The following PRMT7 variants were observed in gnomAD, a reference collection of about 807,000 sequenced individuals.
PRMT7 encodes the protein protein arginine methyltransferase 7.
A neutral mutation model predicts 85.4 loss-of-function variants in PRMT7; 75 were observed. The observed-to-expected ratio is 0.88, with a 90% CI of 0.73 to 1.06. The LOEUF (loss-of-function observed/expected upper bound fraction) is 1.06. PRMT7 is among the 50% of genes least tolerant of loss of function. The probability of loss-of-function intolerance (pLI) is 0.00; values close to 1 mark genes in which losing one functional copy is unlikely to be tolerated. For missense variants in PRMT7, 868 were observed against 915.2 expected (o/e 0.95, Z 0.67); for synonymous variants, 397 against 359.5 (o/e 1.10, Z -1.18).
In PRMT7 at chr16:68,315,940, G is replaced by A; in HGVS notation, c.-40G>A. 1 of 1,564,454 alleles carries A rather than the reference G, an allele frequency of 6.4e-7. No individual in the cohort carries two copies. The highest frequency in any genetic ancestry group is 2.2e-5 in the East Asian group (1 of 44,630). Reference sequence around the variant, plus strand: ...TGTCCACAAGAACTCAACTGGCAAGGCTGCTTTTCTGTGCTAAAACTGGGG... The same window carrying A: ...TGTCCACAAGAACTCAACTGGCAAGACTGCTTTTCTGTGCTAAAACTGGGG... On this transcript the variant is annotated 5_prime_UTR_variant, in exon 3 of 19. Coordinates refer to ENST00000441236, the MANE Select transcript of PRMT7 (RefSeq NM_019023.5).
intron 16 of PRMT7, 23 bp from the exon 17 acceptor site, chr16:68,355,700 C>T (rs372618193): frequency 7.8e-6 from 12 of 1,535,048 alleles, no homozygotes; most frequent in African/African-American, 6.9e-5. Flanking sequence ...CTCTGCAGCC[C>T]CCAGGCCCCC....
At position 68,357,518 on chromosome 16, in the gene PRMT7, C is replaced by T; in HGVS notation, c.*294C>T. The T allele has an allele frequency of 3.1e-6, 1 of 324,092 alleles. No individual in the cohort carries two copies. Among genetic ancestry groups the T allele is most frequent in the East Asian group, 5.9e-5 (1 of 17,006 alleles). The allele number at this position is 324,092 out of a possible 1,614,324, so 20.1% of individuals were successfully genotyped here. A position where few individuals can be genotyped will look rare whatever the true frequency, so the allele number is the denominator to read the frequency against. ...GCTCCAACACAGAGACATCTCTCCC[C>T]AGCTGGGAAGGGAGTGGAAGCACAG... On this transcript the variant is annotated 3_prime_UTR_variant, in exon 19 of 19. Coordinates refer to ENST00000441236, the MANE Select transcript of PRMT7 (RefSeq NM_019023.5).
chr16:68,349,118 C>G (rs746338910), intron 14 of PRMT7, among the ~76,000 whole-genome samples: 2 of 152,168 alleles, frequency 1.3e-5, no homozygotes, highest in Non-Finnish European at 2.9e-5. Context: ...TGCCAGCAAC[C>G]TCGTCGTTAC....
Position 68,357,520 on chromosome 16 carries a change from G to T in PRMT7, c.*296G>T, listed in dbSNP as rs895054646. 3.2e-6 allele frequency: 1 copy of T among 316,952 alleles called. No homozygotes were observed. The highest frequency in any genetic ancestry group is 6.1e-5 in the East Asian group (1 of 16,418). 19.6% of individuals were successfully genotyped at this position (316,952 alleles called of 1,614,324 possible). On this transcript the variant is annotated 3_prime_UTR_variant, in exon 19 of 19. Transcript: ENST00000441236. ...TCCAACACAGAGACATCTCTCCCCA[G>T]CTGGGAAGGGAGTGGAAGCACAGGG...
At chr16:68,346,312 GA>G (rs1567718625) in intron 11 of PRMT7, 32 bp downstream of exon 11, 1 of 1,610,070 alleles carries the variant, frequency 6.2e-7, no homozygotes, top group Non-Finnish European at 8.5e-7. Flanking sequence ...TTGTTGTGGG[GA>G]AAAGGGAGAA....
At chr16:68,321,491 A>ATG (rs1567644103) in intron 4 of PRMT7, 29 bp downstream of exon 4, 1 of 1,582,514 alleles carries the variant, frequency 6.3e-7, no homozygotes, top group Non-Finnish European at 8.7e-7. Context: ...TATTATCTTG[A>ATG]TGTGGGGTGT....
At chr16:68,342,185 G>C (rs2151770571) in intron 9 of PRMT7, among the ~76,000 whole-genome samples, 1 of 152,270 alleles carries the variant, frequency 6.6e-6, no homozygotes, top group Admixed American at 6.5e-5. Context: ...GGCTGAGGCA[G>C]GAGAATTGCT....
At position 68,339,895 on chromosome 16, in the gene PRMT7, A is replaced by C. The variant is rs1269542602; in HGVS notation, c.854A>C (p.Glu285Ala). ...GTGGTTCTCTCGTGGTGGGACATTG[A>C]AATGGACCCTGAGGGGAAGATCAAG... Reference protein sequence around the residue: ...AQVVLSWWDIEMDPEGKIKCT... With the variant: ...AQVVLSWWDIAMDPEGKIKCT... Residue 285 changes from glutamate (E) to alanine (A), a missense_variant, in exon 9 of 19, where the codon GAA (glutamate) becomes GCA (alanine). Glu to Ala is a moderately radical substitution (Grantham distance 107). Transcript: ENST00000441236. 1.2e-6 allele frequency: 2 copies of C among 1,614,188 alleles called. No homozygotes were observed. The highest frequency in any genetic ancestry group is 8.5e-7 in the Non-Finnish European group (1 of 1,180,038).
chr16:68,337,597 C>G, intron 7 of PRMT7, 26 bp downstream of exon 7: 1 of 1,524,682 alleles, frequency 6.6e-7, no homozygotes, highest in South Asian at 1.2e-5. Flanking sequence ...CTCCCTCAGA[C>G]GTGTCTGTGG....
At chr16:68,324,077 A>G (rs2082814519) in intron 4 of PRMT7, 1 of 152,428 alleles carries the variant, frequency 6.6e-6, no homozygotes, top group Admixed American at 6.5e-5. Context: ...TGGGAGGGCT[A>G]GAAAGCAAAT....
chr16:68,322,611 T>C (rs2082629324), intron 4 of PRMT7, among the ~76,000 whole-genome samples: 1 of 152,180 alleles, frequency 6.6e-6, no homozygotes, highest in Non-Finnish European at 1.5e-5. Flanking sequence ...CCAGATTCAC[T>C]GTAATATCTT....
Position 68,353,473 on chromosome 16 carries a change from G to C in PRMT7, c.1576-19G>C. ...TGTCCTGGCGGGCGGGTGTGGACGGGGCTGCTCCTTCCTCACAGGACCTGT... is the reference window on the plus strand; with the variant it reads ...TGTCCTGGCGGGCGGGTGTGGACGGCGCTGCTCCTTCCTCACAGGACCTGT... On this transcript the variant is annotated intron_variant, in intron 15 of 18. Coordinates refer to ENST00000441236, the MANE Select transcript of PRMT7 (RefSeq NM_019023.5). The C allele has an allele frequency of 1.2e-6, 2 of 1,610,132 alleles. No homozygotes were observed. The highest frequency in any genetic ancestry group is 1.7e-6 in the Non-Finnish European group (2 of 1,178,632).
In PRMT7 at chr16:68,358,074, C is replaced by G. The variant is rs1265130279; in HGVS notation, c.*850C>G. The G allele has an allele frequency of 6.6e-6, 1 of 152,316 alleles. No individual in the cohort carries two copies. Among genetic ancestry groups the G allele is most frequent in the Non-Finnish European group, 1.5e-5 (1 of 68,092 alleles). The allele number at this position is 152,316 out of a possible 1,614,324, so 9.4% of individuals were successfully genotyped here. A position where few individuals can be genotyped will look rare whatever the true frequency, so the allele number is the denominator to read the frequency against. On this transcript the variant is annotated 3_prime_UTR_variant, in exon 19 of 19. Transcript: ENST00000441236. The stretch of plus-strand genomic sequence containing the variant: ...CACACTAACCCCCCTTTGGTTATGT[C>G]CCAGCTCTCAGAGGTAACAGCAGAC...
At chr16:68,325,380 G>C (rs970429241) in intron 5 of PRMT7, among the ~76,000 whole-genome samples, 8 of 152,140 alleles carry the variant, frequency 5.3e-5, no homozygotes, top group Non-Finnish European at 1.0e-4. Context: ...GTGGGACTTT[G>C]TTGTTTCCAA....
At chr16:68,319,149 A>G (rs892242915) in intron 3 of PRMT7, 1 of 152,292 alleles carries the variant, frequency 6.6e-6, no homozygotes, top group Admixed American at 6.5e-5. Context: ...TTGGACATCC[A>G]CATAGAGATG....
intron 7 of PRMT7, among the ~76,000 whole-genome samples, chr16:68,338,591 C>T (rs2085043495): frequency 6.6e-6 from 1 of 152,100 alleles, no homozygotes; most frequent in Non-Finnish European, 1.5e-5. Context: ...CTGGGGAAGG[C>T]AGCGGGAGTG....
At chr16:68,330,251 C>T (rs565009283) in intron 6 of PRMT7, among the ~76,000 whole-genome samples, 15 of 152,078 alleles carry the variant, frequency 9.9e-5, no homozygotes, top group Non-Finnish European at 2.2e-4. Context: ...TTTCACATGC[C>T]ACTGACACTT....
At chr16:68,328,538 A>G (rs1415448332) in intron 5 of PRMT7, 1 of 150,748 alleles carries the variant, frequency 6.6e-6, no homozygotes, top group African/African-American at 2.5e-5. Context: ...AAAAAATGGT[A>G]TACATAAGGG....
In PRMT7 at chr16:68,321,455, A is replaced by C. The variant is rs781120921; in HGVS notation, c.125A>C (p.Lys42Thr). The C allele has an allele frequency of 1.2e-6, 2 of 1,609,122 alleles. No homozygotes were observed. The highest frequency in any genetic ancestry group is 2.2e-5 in the East Asian group (1 of 44,832). ...TCTTATGCAGATATGCTACATGACA[A>C]AGACAGAGTAAGTGTAAAAGGAAAC... is the stretch of plus-strand genomic sequence containing the variant. ...RSSYADMLHD[K>T]DRNVKYYQGI... is the part of the protein sequence containing the mutation. Residue 42 changes from lysine (K) to threonine (T), a missense_variant, in exon 4 of 19, where the codon AAA (lysine) becomes ACA (threonine). Transcript: ENST00000441236.
Sources: allele counts gnomAD v4.1 joint callset (sites outside exome capture counted in the v4.1 genomes callset), GRCh38; gene constraint gnomAD v4.1.1; transcripts MANE v1.5; gene names NCBI Gene and HGNC (gene_info 2026-07-23, HGNC 2026-07-21).